The following NEBL variants were observed in gnomAD, a reference collection of about 807,000 sequenced individuals.
NEBL encodes nebulette.
A neutral mutation model predicts 140.2 loss-of-function variants in NEBL; 122 were observed. That is an observed-to-expected ratio of 0.87 (90% confidence interval 0.75 to 1.01). NEBL has a LOEUF of 1.01. NEBL is among the 50% of genes least tolerant of loss of function. The pLI, the probability that NEBL is intolerant of heterozygous loss-of-function variation, is 0.00. For missense variants in NEBL, 1,365 were observed against 1,231.3 expected (o/e 1.11, Z -1.62); for synonymous variants, 436 against 398.9 (o/e 1.09, Z -1.11).
At position 20,966,995 on chromosome 10, in the gene NEBL, G is replaced by A. The variant is rs536661283; in HGVS notation, c.250-5216C>T. ...GTATGTTTATGACCATACCATTCACGTTAAAGGAGATTCACGTTAAAGGAG... is the reference window on the plus strand; with the variant it reads ...GTATGTTTATGACCATACCATTCACATTAAAGGAGATTCACGTTAAAGGAG... On this transcript the variant is annotated intron_variant, in intron 3 of 6. Transcript: ENST00000417816. 2.2e-4 allele frequency among the ~76,000 whole-genome samples: 34 copies of A among 152,050 alleles called. No individual in the cohort carries two copies. The South Asian group carries it at 4.4e-3, about 20-fold the overall frequency.
chr10:21,043,874 G>T (rs943807291), intron 2 of NEBL, among the ~76,000 whole-genome samples: 2 of 152,150 alleles, frequency 1.3e-5, no homozygotes, highest in African/African-American at 4.8e-5. Flanking sequence ...AATTTAAAAA[G>T]TTGCCAATTC....
At chr10:21,186,218 T>C (rs1194393342) in intron 3 of NEBL, among the ~76,000 whole-genome samples, 2 of 150,576 alleles carry the variant, frequency 1.3e-5, no homozygotes, top group African/African-American at 4.9e-5. Flanking sequence ...AGAGAGAACA[T>C]ACATAACCAT....
rs945725796 is a variant in NEBL, at chr10:21,000,165, G to A, written c.249+19952C>T. Among the ~76,000 whole-genome samples, 8 of 135,016 alleles carry A rather than the reference G, an allele frequency of 5.9e-5. No homozygotes were observed. The Admixed American group carries it at 6.5e-4, about 11-fold the overall frequency. The allele number at this position is 135,016 out of a possible 152,430, so 88.6% of individuals were successfully genotyped here. ...CAAGGAAAAAGCCAGGCAGAGGGGG[G>A]CAGAGAGGGGGCAGAGGGGGATAGA... On this transcript the variant is annotated intron_variant, in intron 3 of 6. Transcript: ENST00000417816.
At chr10:21,028,950 T>A (rs930892733) in intron 2 of NEBL, 7 of 537,346 alleles carry the variant, frequency 1.3e-5, no homozygotes, top group African/African-American at 7.6e-5. Flanking sequence ...TATACTAATA[T>A]GAGACAAAAT....
At chr10:21,278,970 G>A (rs56348118) in intron 1 of NEBL, among the ~76,000 whole-genome samples, 1 of 152,134 alleles carries the variant, frequency 6.6e-6, no homozygotes, top group African/African-American at 2.4e-5. Context: ...CAGAATCTTA[G>A]CAATTAGATA....
At chr10:20,941,934 A>AATGG (rs1439915925) in intron 4 of NEBL, among the ~76,000 whole-genome samples, 2 of 152,100 alleles carry the variant, frequency 1.3e-5, no homozygotes, top group Non-Finnish European at 2.9e-5. Flanking sequence ...CAATGAAATA[A>AATGG]AAGAGGATAC....
intron 4 of NEBL, among the ~76,000 whole-genome samples, chr10:20,930,050 C>T (rs4748737): frequency 0.64 from 96,943 of 151,912 alleles, 31,216 homozygotes; most frequent in Non-Finnish European, 0.67. Context: ...TAGGTGCTGA[C>T]GACTCTCACA....
intron 4 of NEBL, among the ~76,000 whole-genome samples, chr10:20,927,630 G>T (rs777965036): frequency 3.3e-5 from 5 of 152,114 alleles, no homozygotes; most frequent in African/African-American, 7.2e-5. Flanking sequence ...TTAAGTGTTC[G>T]TGTAAATATC....
chr10:21,232,877 G>A (rs1216816849), intron 3 of NEBL, among the ~76,000 whole-genome samples: 1 of 152,230 alleles, frequency 6.6e-6, no homozygotes, highest in South Asian at 2.1e-4. Context: ...TCTATCAGAA[G>A]TTGCAGTAGT....
At chr10:21,071,728 G>A (rs1351644482) in intron 2 of NEBL, among the ~76,000 whole-genome samples, 1 of 152,154 alleles carries the variant, frequency 6.6e-6, no homozygotes, top group East Asian at 1.9e-4. Context: ...CATAAATTTG[G>A]TGGCTTAAAA....
intron 3 of NEBL, among the ~76,000 whole-genome samples, chr10:21,199,654 C>T (rs1246420800): frequency 3.3e-5 from 5 of 152,142 alleles, no homozygotes; most frequent in African/African-American, 9.7e-5. Flanking sequence ...TGGGTGGCCA[C>T]CCACATAATC....
chr10:21,174,183 G>T (rs553832333), exon 1 of NEBL: 1 of 369,216 alleles, frequency 2.7e-6, no homozygotes, highest in Non-Finnish European at 3.8e-6. Flanking sequence ...CCGCCGCCGC[G>T]CAGGCCAAAC....
At chr10:21,039,991 A>T (rs1834196151) in intron 2 of NEBL, among the ~76,000 whole-genome samples, 1 of 152,198 alleles carries the variant, frequency 6.6e-6, no homozygotes, top group South Asian at 2.1e-4. Flanking sequence ...ATAGGATTAC[A>T]CAGCCAGAGA....
intron 1 of NEBL, among the ~76,000 whole-genome samples, chr10:21,261,385 G>A (rs143174753): frequency 0.024 from 3,656 of 152,230 alleles, 50 homozygotes; most frequent in Middle Eastern, 0.061. Flanking sequence ...GACAGGCTGG[G>A]CACAGCGGCT....
At chr10:20,986,632 A>G (rs1010016817) in intron 3 of NEBL, among the ~76,000 whole-genome samples, 1 of 152,224 alleles carries the variant, frequency 6.6e-6, no homozygotes, top group Non-Finnish European at 1.5e-5. Flanking sequence ...ACATTGATGC[A>G]CACATGTACA....
intron 4 of NEBL, among the ~76,000 whole-genome samples, chr10:20,918,535 TTAAG>T (rs1348626515): frequency 6.6e-6 from 1 of 151,988 alleles, no homozygotes. Flanking sequence ...ATCAGTGCAC[TTAAG>T]TAAGTACATA....
rs1837847825 is a variant in NEBL, at chr10:20,808,663, T to C, written c.2612-4A>G. On this transcript the variant is annotated splice_polypyrimidine_tract_variant and splice_region_variant and intron_variant, in intron 25 of 27. Coordinates refer to ENST00000377122, the MANE Select transcript of NEBL (RefSeq NM_006393.3). ...CGCCTATAGTGACTCGCCTTTTCTATATTGGAGGGAAAATATTTACACGTG... is the reference window on the plus strand; with the variant it reads ...CGCCTATAGTGACTCGCCTTTTCTACATTGGAGGGAAAATATTTACACGTG... 2.5e-6 allele frequency: 4 copies of C among 1,611,252 alleles called. No homozygotes were observed. Among genetic ancestry groups the C allele is most frequent in the Non-Finnish European group, 3.4e-6 (4 of 1,177,626 alleles).
chr10:21,066,170 C>T (rs1474965002), intron 2 of NEBL, among the ~76,000 whole-genome samples: 1 of 152,186 alleles, frequency 6.6e-6, no homozygotes, highest in East Asian at 1.9e-4. Context: ...AACTCATTAA[C>T]CTCTTCCCTG....
intron 3 of NEBL, among the ~76,000 whole-genome samples, chr10:21,001,623 C>T (rs965399774): frequency 8.6e-5 from 13 of 151,876 alleles, no homozygotes; most frequent in Admixed American, 8.5e-4. Flanking sequence ...AGTCAATATA[C>T]TCACAACTTT....
Sources: allele counts gnomAD v4.1 joint callset (sites outside exome capture counted in the v4.1 genomes callset), GRCh38; gene constraint gnomAD v4.1.1; transcripts MANE v1.5; gene names NCBI Gene and HGNC (gene_info 2026-07-23, HGNC 2026-07-21).